Variants in FHOD3 observed in about 807,000 individuals in gnomAD.
The protein encoded by FHOD3 is formin homology 2 domain containing 3.
In FHOD3, 90 loss-of-function variants were observed where a neutral mutation model predicts 173.0. The ratio of observed to expected loss-of-function variants is 0.52; its 90% confidence interval spans 0.44 to 0.62. The LOEUF (loss-of-function observed/expected upper bound fraction) is 0.62. Among genes scored for constraint, FHOD3 ranks in the 20% least tolerant of loss-of-function variants. The pLI is 0.00. For missense variants in FHOD3, 1,945 were observed against 2,034.7 expected (o/e 0.96, Z 0.85); for synonymous variants, 828 against 823.0 (o/e 1.01, Z -0.10).
intron 5 of FHOD3, among the ~76,000 whole-genome samples, chr18:36,575,829 T>C (rs1599721266): frequency 1.3e-5 from 2 of 152,364 alleles, no homozygotes; most frequent in South Asian, 4.1e-4. Flanking sequence ...ATATGGTGAC[T>C]ATATATTTTC....
intron 10 of FHOD3, among the ~76,000 whole-genome samples, chr18:36,644,178 G>A (rs994586828): frequency 3.9e-5 from 6 of 152,166 alleles, no homozygotes; most frequent in Non-Finnish European, 5.9e-5. Context: ...GGGCCCTGGA[G>A]TAACTCCTTA....
chr18:36,316,767 C>T (rs547111822), intron 1 of FHOD3, among the ~76,000 whole-genome samples: 1 of 152,114 alleles, frequency 6.6e-6, no homozygotes, highest in African/African-American at 2.4e-5. Flanking sequence ...TACATGTGCA[C>T]AATGTGCAGG....
chr18:36,431,309 A>G (rs553466964), intron 3 of FHOD3, among the ~76,000 whole-genome samples: 25 of 152,370 alleles, frequency 1.6e-4, no homozygotes, highest in Admixed American at 5.9e-4. Context: ...TCTGTAAGCC[A>G]TATCTCAGGA....
At chr18:36,708,643 A>G (rs2149667848) in intron 17 of FHOD3, among the ~76,000 whole-genome samples, 1 of 152,266 alleles carries the variant, frequency 6.6e-6, no homozygotes, top group Admixed American at 6.5e-5. Context: ...TGAGGGTGAT[A>G]GCAACATCCA....
chr18:36,406,097 T>TTTTA (rs2049049682), intron 3 of FHOD3, among the ~76,000 whole-genome samples: 2 of 151,040 alleles, frequency 1.3e-5, no homozygotes, highest in African/African-American at 4.9e-5. Flanking sequence ...TTGTTTTTGT[T>TTTTA]TTTTTGTTTT....
chr18:36,680,979 C>T (rs2038199071), intron 14 of FHOD3, among the ~76,000 whole-genome samples: 1 of 152,108 alleles, frequency 6.6e-6, no homozygotes, highest in East Asian at 1.9e-4. Flanking sequence ...CGGTATCTTT[C>T]ATGATGCTGA....
chr18:36,383,860 AC>A (rs1225863527), intron 3 of FHOD3, among the ~76,000 whole-genome samples: 1 of 152,204 alleles, frequency 6.6e-6, no homozygotes, highest in African/African-American at 2.4e-5. Context: ...TGTTTGCCTG[AC>A]TGCAGGGTGT....
At chr18:36,379,065 C>T (rs555597645) in intron 3 of FHOD3, among the ~76,000 whole-genome samples, 3 of 152,024 alleles carry the variant, frequency 2.0e-5, no homozygotes, top group Non-Finnish European at 2.9e-5. Context: ...ATATATAACT[C>T]GGGATTGATT....
At chr18:36,488,347 C>T (rs560152974) in intron 3 of FHOD3, among the ~76,000 whole-genome samples, 10 of 152,312 alleles carry the variant, frequency 6.6e-5, no homozygotes, top group African/African-American at 2.4e-4. Context: ...TCTTCCCTAT[C>T]AACTGGCATT....
chr18:36,754,061 A>G (rs1289952638), intron 24 of FHOD3, among the ~76,000 whole-genome samples: 3 of 152,204 alleles, frequency 2.0e-5, no homozygotes, highest in Non-Finnish European at 4.4e-5. Context: ...CAGTTTATCT[A>G]CTTTGGTCAC....
At chr18:36,313,528 T>A (rs2092303274) in intron 1 of FHOD3, among the ~76,000 whole-genome samples, 1 of 152,164 alleles carries the variant, frequency 6.6e-6, no homozygotes, top group South Asian at 2.1e-4. Flanking sequence ...AATCATTTCG[T>A]GTGTAGCCTT....
At position 36,779,711 on chromosome 18, in the gene FHOD3, G is replaced by A; in HGVS notation, c.*181G>A. On this transcript the variant is annotated 3_prime_UTR_variant, in exon 29 of 29. Transcript: ENST00000590592. ...TGCTACGCATTGACTTGGATCTCCA[G>A]GAGTCCCCTGCACATACCTTCTCCA... 1.6e-6 allele frequency: 1 copy of A among 613,726 alleles called. No individual in the cohort carries two copies. The highest frequency in any genetic ancestry group is 2.9e-6 in the Non-Finnish European group (1 of 344,636). 38.0% of individuals were successfully genotyped at this position (613,726 alleles called of 1,614,324 possible). A position where few individuals can be genotyped will look rare whatever the true frequency, so the allele number is the denominator to read the frequency against.
intron 3 of FHOD3, among the ~76,000 whole-genome samples, chr18:36,407,592 G>A (rs79884843): frequency 2.0e-5 from 3 of 152,328 alleles, no homozygotes; most frequent in East Asian, 1.9e-4. Flanking sequence ...AGACTTGAGC[G>A]TAAGCGATGG....
intron 9 of FHOD3, among the ~76,000 whole-genome samples, chr18:36,617,126 AG>A (rs1273518211): frequency 1.5e-4 from 23 of 152,242 alleles, no homozygotes; most frequent in African/African-American, 5.1e-4. Flanking sequence ...CATCCTGCTA[AG>A]GGTATTCCAG....
chr18:36,639,819 T>G (rs1242178229), intron 10 of FHOD3, among the ~76,000 whole-genome samples: 1 of 151,652 alleles, frequency 6.6e-6, no homozygotes, highest in Non-Finnish European at 1.5e-5. Context: ...AAAGTGTTTT[T>G]TTTTTTTTTA....
intron 18 of FHOD3, among the ~76,000 whole-genome samples, chr18:36,713,715 T>A (rs942436204): frequency 6.6e-6 from 1 of 152,216 alleles, no homozygotes; most frequent in African/African-American, 2.4e-5. Flanking sequence ...ATTGATTTTA[T>A]CTTTACAAAT....
intron 1 of FHOD3, among the ~76,000 whole-genome samples, chr18:36,299,438 A>C (rs2091898672): frequency 6.6e-6 from 1 of 152,226 alleles, no homozygotes; most frequent in Admixed American, 6.5e-5. Context: ...CTTCTTCTAC[A>C]TCATGATTAT....
intron 28 of FHOD3, among the ~76,000 whole-genome samples, chr18:36,773,166 A>G (rs2043465649): frequency 6.6e-6 from 1 of 152,226 alleles, no homozygotes; most frequent in African/African-American, 2.4e-5. Context: ...AGCAAGATGC[A>G]TTACATGGCT....
intron 27 of FHOD3, among the ~76,000 whole-genome samples, chr18:36,765,716 A>G (rs1218361482): frequency 6.6e-6 from 1 of 152,226 alleles, no homozygotes; most frequent in Non-Finnish European, 1.5e-5. Flanking sequence ...TGGGCTTAGC[A>G]GAGACTGATC....
Sources: allele counts gnomAD v4.1 joint callset (sites outside exome capture counted in the v4.1 genomes callset), GRCh38; gene constraint gnomAD v4.1.1; transcripts MANE v1.5; gene names NCBI Gene and HGNC (gene_info 2026-07-23, HGNC 2026-07-21).